Variants in TNRC6C observed in about 807,000 individuals in gnomAD.
TNRC6C encodes trinucleotide repeat containing adaptor 6C.
In TNRC6C, 20 loss-of-function variants were observed where a neutral mutation model predicts 153.7. The ratio of observed to expected loss-of-function variants is 0.13; its 90% CI spans 0.09 to 0.19. TNRC6C has a LOEUF of 0.19. TNRC6C is among the 10% of genes least tolerant of loss of function. The pLI, the probability that TNRC6C is intolerant of heterozygous loss-of-function variation, is 1.00. For missense variants in TNRC6C, 1,987 were observed against 2,172.0 expected (o/e 0.91, Z 1.69); for synonymous variants, 811 against 841.4 (o/e 0.96, Z 0.63).
chr17:78,082,954 C>A, intron 10 of TNRC6C, 93 bp from the exon 13 acceptor site: 1 of 1,459,426 alleles, frequency 6.9e-7, no homozygotes, highest in Non-Finnish European at 9.3e-7. Flanking sequence ...TACAAATTAT[C>A]ATTTAATCAT....
Position 78,104,393 on chromosome 17 carries a change from G to A in TNRC6C, c.4713-92G>A. ...ACAGAAGCCACAGGATGGCTTCCAT[G>A]TGGGGCCGTTCCCAATACAGAGAAA... On this transcript the variant is annotated intron_variant, in intron 19 of 19. Coordinates refer to ENST00000301624, the Ensembl canonical transcript of TNRC6C. The surrounding 1 kb of genome is among the most constrained non-coding windows in gnomAD (Gnocchi z 6.2). 3 of 1,404,358 alleles carry A rather than the reference G, an allele frequency of 2.1e-6. No homozygotes were observed. The highest frequency in any genetic ancestry group is 2.8e-6 in the Non-Finnish European group (3 of 1,077,634). 87.0% of individuals were successfully genotyped at this position (1,404,358 alleles called of 1,614,324 possible).
At chr17:78,004,986 T>C, upstream of TNRC6C, 1 of 1,083,190 alleles carries the variant, frequency 9.2e-7, no homozygotes, top group Non-Finnish European at 1.2e-6. Context: ...TAAACTTTCA[T>C]AGATGTGTAC....
chr17:78,044,348 A>G (rs1598727189), intron 2 of TNRC6C, among the ~76,000 whole-genome samples: 1 of 152,244 alleles, frequency 6.6e-6, no homozygotes, highest in African/African-American at 2.4e-5. Flanking sequence ...TCAAGTATTG[A>G]TAAGAATTAT....
intron 1 of TNRC6C, among the ~76,000 whole-genome samples, chr17:78,027,910 T>G (rs1187984949): frequency 4.6e-5 from 7 of 151,428 alleles, no homozygotes; most frequent in South Asian, 4.2e-4. Flanking sequence ...GAGGTTTTTT[T>G]TTTTTTTTTT....
intron 1 of TNRC6C, among the ~76,000 whole-genome samples, chr17:77,987,567 G>T (rs976183093): frequency 6.6e-6 from 1 of 152,172 alleles, no homozygotes; most frequent in Non-Finnish European, 1.5e-5. Flanking sequence ...GATAAAAACA[G>T]TGTCAAATGG....
At chr17:77,980,893 C>T (rs764889956) in intron 1 of TNRC6C, among the ~76,000 whole-genome samples, 4 of 152,274 alleles carry the variant, frequency 2.6e-5, no homozygotes, top group Middle Eastern at 3.4e-3. Flanking sequence ...TCTGTTGCAC[C>T]GCCCTCCTGG....
At chr17:78,105,634 AGT>A (rs56886704) in exon 20 of TNRC6C, 4,357 of 151,550 alleles carry the variant, frequency 0.029, 200 homozygotes, top group African/African-American at 0.098. Flanking sequence ...TTGAAACAGA[AGT>A]GTGTGTGTGT....
chr17:78,100,770 CTTTT>C (rs56816459), intron 17 of TNRC6C, among the ~76,000 whole-genome samples: 11,176 of 104,044 alleles, frequency 0.11, 343 homozygotes, highest in African/African-American at 0.16. Flanking sequence ...ATGGGATTTC[CTTTT>C]TTTTTTTTTT....
intron 2 of TNRC6C, among the ~76,000 whole-genome samples, chr17:78,032,763 TTC>T (rs1157581187): frequency 4.6e-5 from 7 of 152,334 alleles, no homozygotes; most frequent in African/African-American, 1.7e-4. Context: ...TGGGTAATAA[TTC>T]TAGCATGACG....
At chr17:78,103,387 T>C in intron 18 of TNRC6C, 27 bp from the exon 22 acceptor site, 1 of 1,611,892 alleles carries the variant, frequency 6.2e-7, no homozygotes. Flanking sequence ...AGAAAGCTCA[T>C]TCATGTCCCT....
rs189839889 is a variant in TNRC6C at position 78,037,335 on chromosome 17, A to C, written c.-219+5493A>C. ...TGAGCAGAACATTTGTTGAATGCCTACCAAACATCACATACCCTGCACTGG... is the reference window on the plus strand; with the variant it reads ...TGAGCAGAACATTTGTTGAATGCCTCCCAAACATCACATACCCTGCACTGG... On this transcript the variant is annotated intron_variant, in intron 2 of 19. Transcript: ENST00000301624. Among the ~76,000 whole-genome samples the C allele has an allele frequency of 2.5e-3, 378 of 152,346 alleles. 2 individuals carry two copies. The highest frequency in any genetic ancestry group is 8.7e-3 in the African/African-American group (361 of 41,576).
At chr17:78,073,182 G>T in intron 7 of TNRC6C, 88 bp downstream of exon 9, 3 of 1,189,852 alleles carry the variant, frequency 2.5e-6, no homozygotes, top group Non-Finnish European at 3.6e-6. Flanking sequence ...TGGTTTAATG[G>T]TTAATATGTC....
intron 1 of TNRC6C, among the ~76,000 whole-genome samples, chr17:77,988,851 G>GT (rs1278181369): frequency 6.6e-6 from 1 of 152,182 alleles, no homozygotes; most frequent in Non-Finnish European, 1.5e-5. Flanking sequence ...GATTTAAAAT[G>GT]TAAGAGCCAC....
chr17:77,981,999 G>A (rs1314758859), intron 1 of TNRC6C, among the ~76,000 whole-genome samples: 2 of 152,172 alleles, frequency 1.3e-5, no homozygotes, highest in Admixed American at 1.3e-4. Context: ...CCTTTGGGAG[G>A]TATTTAGTTC....
At chr17:78,061,839 G>A (rs960000127) in intron 3 of TNRC6C, among the ~76,000 whole-genome samples, 5 of 152,034 alleles carry the variant, frequency 3.3e-5, no homozygotes, top group Non-Finnish European at 7.4e-5. Flanking sequence ...GCCTTTAAGA[G>A]GAATTTTAAA....
chr17:78,086,649 A>G (rs1462333822), intron 12 of TNRC6C, 63 bp downstream of exon 14: 3 of 1,563,984 alleles, frequency 1.9e-6, no homozygotes, highest in Non-Finnish European at 2.6e-6. Flanking sequence ...AAGAGACGCT[A>G]ATTGATGAAC....
chr17:78,051,381 C>G, exon 3 of TNRC6C: 1 of 1,550,750 alleles, frequency 6.4e-7, no homozygotes, highest in Non-Finnish European at 8.7e-7. Context: ...ACACCACACA[C>G]AGGGTCGAGA....
chr17:78,104,643 G>A lies in TNRC6C; in HGVS notation c.4871G>A (p.Gly1624Asp). 6.5e-7 allele frequency: 1 copy of A among 1,546,798 alleles called. No homozygotes were observed. Among genetic ancestry groups the A allele is most frequent in the Non-Finnish European group, 8.7e-7 (1 of 1,146,892 alleles). ...CTCAGCGCAGCGGGCAGCTCCCATG[G>A]CCTGGTACGCAGCGACGCTGGCCAC... Residue 1624 changes from glycine (G) to aspartate (D), a missense_variant, in exon 20 of 20, where the codon GGC becomes GAC. Physicochemically the swap from Gly to Asp is moderately conservative, Grantham distance 94. Around this residue, in one of 4 missense-constraint regions of TNRC6C, gnomAD observed 139 missense variants for 148.5 expected, o/e 0.94. Coordinates refer to ENST00000301624, the Ensembl canonical transcript of TNRC6C. The surrounding 1 kb of genome is among the most constrained non-coding windows in gnomAD (Gnocchi z 6.2).
At chr17:78,025,896 G>T (rs961384912) in intron 1 of TNRC6C, among the ~76,000 whole-genome samples, 1 of 152,174 alleles carries the variant, frequency 6.6e-6, no homozygotes, top group Non-Finnish European at 1.5e-5. Flanking sequence ...AATTAAAACT[G>T]CATGTCATGT....
Sources: gnomAD v4.1 joint callset for allele counts (sites outside exome capture counted in the v4.1 genomes callset) on GRCh38, gnomAD v4.1.1 for gene constraint, gnomAD v4.1.1 regional missense constraint, Gnocchi (gnomAD v3.1) non-coding constraint, MANE v1.5 for transcripts, NCBI Gene and HGNC (gene_info 2026-07-23, HGNC 2026-07-21) for gene names.